The following NFASC variants were observed in gnomAD, a reference collection of about 807,000 sequenced individuals.
NFASC encodes the protein neurofascin, also known as neurofascin homolog.
Under a neutral mutation model 147.5 loss-of-function variants are expected in NFASC, and 43 were observed. That is an observed-to-expected ratio of 0.29 (90% CI 0.23 to 0.38). NFASC has a LOEUF of 0.38. NFASC is among the 10% of genes least tolerant of loss of function. The probability of loss-of-function intolerance (pLI) is 1.00; values close to 1 mark genes in which losing one functional copy is unlikely to be tolerated. For missense variants in NFASC, 1,320 were observed against 1,689.0 expected (o/e 0.78, Z 3.83); for synonymous variants, 622 against 665.5 (o/e 0.93, Z 1.01).
rs563167666 is a variant in NFASC, at chr1:205,016,061, G to T, written c.3492-247G>T. 6.6e-6 allele frequency among the ~76,000 whole-genome samples: 1 copy of T among 152,300 alleles called. No homozygotes were observed. The highest frequency in any genetic ancestry group is 1.9e-4 in the East Asian group (1 of 5,154). ...CTCATGGAAAAGACCCAGAACAGGA[G>T]CCCAAAAGCATGGGCTCCACTCCCT... On this transcript the variant is annotated intron_variant, in intron 29 of 29. Coordinates refer to ENST00000339876, the MANE Select transcript of NFASC (RefSeq NM_001005388.3). The surrounding 1 kb of genome is among the most constrained non-coding windows in gnomAD (Gnocchi z 5.1).
chr1:204,968,025 A>G lies in NFASC; in HGVS notation c.707-224A>G, dbSNP rs2095056202. ...AGGGAAGCTGGGCTCCTCCAGGCAG[A>G]TCCTTTCAGAACCTAGAGCTCCTCT... On this transcript the variant is annotated intron_variant, in intron 8 of 29. Transcript: ENST00000339876. The surrounding 1 kb of genome is among the most constrained non-coding windows in gnomAD (Gnocchi z 5.4). 2.1e-6 allele frequency: 1 copy of G among 485,588 alleles called. No individual in the cohort carries two copies. The highest frequency in any genetic ancestry group is 2.0e-5 in the African/African-American group (1 of 51,128). 30.1% of individuals were successfully genotyped at this position (485,588 alleles called of 1,614,324 possible). A position where few individuals can be genotyped will look rare whatever the true frequency, so the allele number is the denominator to read the frequency against.
chr1:204,955,302 A>G (rs564117516), intron 7 of NFASC, among the ~76,000 whole-genome samples: 7 of 152,364 alleles, frequency 4.6e-5, no homozygotes, highest in Non-Finnish European at 1.0e-4. Context: ...GAACAGGGCC[A>G]GACACACAGT....
chr1:204,855,050 C>G (rs1446762727), intron 1 of NFASC, among the ~76,000 whole-genome samples: 4 of 152,216 alleles, frequency 2.6e-5, no homozygotes, highest in Non-Finnish European at 5.9e-5. Flanking sequence ...CTCTTGGGAG[C>G]CCTCACAAGG....
At chr1:204,916,809 G>A (rs748552002) in intron 1 of NFASC, among the ~76,000 whole-genome samples, 19 of 152,086 alleles carry the variant, frequency 1.2e-4, no homozygotes, top group Non-Finnish European at 2.8e-4. Context: ...CTGGGCTCAA[G>A]CCATCCACCT....
rs76454092 is a variant in NFASC at position 204,928,518 on chromosome 1, G to A, written c.-91+7778G>A. Among the ~76,000 whole-genome samples the A allele has an allele frequency of 9.5e-3, 1,439 of 152,266 alleles. 23 individuals carry two copies. The highest frequency in any genetic ancestry group is 0.033 in the African/African-American group (1,377 of 41,538). ...GCAATGTGCCAAGCTCCAGTTAGTG[G>A]GCCTTGGGTCAAAGAGACAGCATGA... On this transcript the variant is annotated intron_variant, in intron 2 of 29. Coordinates refer to ENST00000339876, the MANE Select transcript of NFASC (RefSeq NM_001005388.3).
intron 5 of NFASC, 46 bp downstream of exon 5, chr1:204,952,162 C>T (rs886993865): frequency 6.9e-7 from 1 of 1,443,446 alleles, no homozygotes; most frequent in Non-Finnish European, 9.7e-7. Flanking sequence ...CCGCTTGCCT[C>T]TGGGCCTGAT....
intron 3 of NFASC, among the ~76,000 whole-genome samples, chr1:204,949,308 G>T (rs899666746): frequency 6.6e-6 from 1 of 152,050 alleles, no homozygotes; most frequent in African/African-American, 2.4e-5. Flanking sequence ...CTTAACTCTG[G>T]CTTCTCCAGG....
intron 1 of NFASC, among the ~76,000 whole-genome samples, chr1:204,908,706 C>T (rs937065819): frequency 4.1e-4 from 62 of 152,088 alleles, no homozygotes; most frequent in Non-Finnish European, 6.6e-4. Flanking sequence ...CCTACCACCA[C>T]CTCCCCCTTC....
chr1:204,988,621 C>G lies in NFASC; in HGVS notation c.2594-12C>G. The G allele has an allele frequency of 1.2e-6, 2 of 1,613,146 alleles. No homozygotes were observed. Among genetic ancestry groups the G allele is most frequent in the Non-Finnish European group, 1.7e-6 (2 of 1,179,062 alleles). On this transcript the variant is annotated splice_polypyrimidine_tract_variant and intron_variant, in intron 22 of 29. Coordinates refer to ENST00000339876, the MANE Select transcript of NFASC (RefSeq NM_001005388.3). ...TGCTAAAGTTTAATTCCACTTACCT[C>G]TCTCTCCCCAGTTAACGGGACCAAA... is the stretch of plus-strand genomic sequence containing the variant.
chr1:204,960,976 C>T (rs1037768526), intron 8 of NFASC, among the ~76,000 whole-genome samples: 2 of 152,316 alleles, frequency 1.3e-5, no homozygotes, highest in African/African-American at 4.8e-5. Context: ...GGGATTGGAT[C>T]TGTCGACAAA....
At chr1:205,002,801 T>G (rs1203830463) in intron 27 of NFASC, 53 bp downstream of exon 27, 1 of 1,325,124 alleles carries the variant, frequency 7.5e-7, no homozygotes, top group Non-Finnish European at 9.9e-7. Flanking sequence ...CATTTCATTC[T>G]CATCCTCAGC....
chr1:204,854,942 T>G (rs1385636894), intron 1 of NFASC, among the ~76,000 whole-genome samples: 1 of 152,260 alleles, frequency 6.6e-6, no homozygotes, highest in African/African-American at 2.4e-5. Context: ...ACGCAGTGAT[T>G]GAGTGTGTGC....
In NFASC at chr1:204,954,507, A is replaced by G. The variant is rs2094327467; in HGVS notation, c.412+123A>G. On this transcript the variant is annotated intron_variant, in intron 6 of 29. Coordinates refer to ENST00000339876, the MANE Select transcript of NFASC (RefSeq NM_001005388.3). The surrounding 1 kb of genome is among the most constrained non-coding windows in gnomAD (Gnocchi z 5.7). ...GCCTGCAGTTGCCTTGGTGTTCTCT[A>G]TGCATCTTCCCCACCTCAGAATGAT... is the stretch of plus-strand genomic sequence containing the variant. The G allele has an allele frequency of 7.0e-6, 6 of 853,490 alleles. No individual in the cohort carries two copies. The highest frequency in any genetic ancestry group is 5.3e-5 in the South Asian group (3 of 57,100). The allele number at this position is 853,490 out of a possible 1,614,324, so 52.9% of individuals were successfully genotyped here. A position where few individuals can be genotyped will look rare whatever the true frequency, so the allele number is the denominator to read the frequency against.
At chr1:204,909,836 A>G (rs1323320482) in intron 1 of NFASC, among the ~76,000 whole-genome samples, 1 of 151,672 alleles carries the variant, frequency 6.6e-6, no homozygotes, top group African/African-American at 2.4e-5. Context: ...TGTCGAAAAG[A>G]CTGTCTTTTC....
intron 2 of NFASC, among the ~76,000 whole-genome samples, chr1:204,936,685 TC>T (rs879855875): frequency 2.6e-5 from 4 of 152,168 alleles, no homozygotes; most frequent in Non-Finnish European, 5.9e-5. Context: ...CTACCTGGCC[TC>T]CCCACTTCCA....
intron 27 of NFASC, among the ~76,000 whole-genome samples, chr1:205,003,850 C>G (rs2096053530): frequency 1.3e-5 from 2 of 152,234 alleles, no homozygotes; most frequent in Non-Finnish European, 2.9e-5. Flanking sequence ...CCCTTCTATC[C>G]TAGTCCTTCC....
At chr1:204,901,483 A>G (rs1480931842) in intron 1 of NFASC, among the ~76,000 whole-genome samples, 1 of 152,086 alleles carries the variant, frequency 6.6e-6, no homozygotes, top group African/African-American at 2.4e-5. Context: ...GAATGATGAG[A>G]GCTTAGAGTT....
rs537035722 is a variant in NFASC, at chr1:204,929,823, G to T, written c.-91+9083G>T. On this transcript the variant is annotated intron_variant, in intron 2 of 29. Transcript: ENST00000339876. ...CACTTGCTTGGTGTTCTGTCTCTTT[G>T]GGATGGGCTAGGCATCAATAGGGGG... is the stretch of plus-strand genomic sequence containing the variant. Among the ~76,000 whole-genome samples, 3 of 152,244 alleles carry T rather than the reference G, an allele frequency of 2.0e-5. No homozygotes were observed. In the East Asian group the frequency reaches 5.8e-4, roughly 29 times the overall value.
intron 27 of NFASC, among the ~76,000 whole-genome samples, chr1:205,005,464 C>T (rs186489677): frequency 2.4e-4 from 37 of 152,254 alleles, no homozygotes; most frequent in African/African-American, 6.5e-4. Flanking sequence ...GGGGGCCGGA[C>T]GAGAGGATGC....
Sources: allele counts gnomAD v4.1 joint callset (sites outside exome capture counted in the v4.1 genomes callset), GRCh38; gene constraint gnomAD v4.1.1; non-coding constraint Gnocchi (gnomAD v3.1); transcripts MANE v1.5; gene names NCBI Gene and HGNC (gene_info 2026-07-23, HGNC 2026-07-21).